The following PTK2 variants were observed in gnomAD, a reference collection of about 807,000 sequenced individuals.
PTK2 encodes protein tyrosine kinase 2, also known as focal adhesion kinase 1.
A neutral mutation model predicts 150.1 loss-of-function variants in PTK2; 45 were observed. That is an observed-to-expected ratio of 0.30 (90% CI 0.24 to 0.38). The LOEUF (loss-of-function observed/expected upper bound fraction) is 0.38, where lower values mean the gene tolerates loss of function less well. Among genes scored for constraint, PTK2 ranks in the 10% least tolerant of loss-of-function variants. The pLI is 1.00. For missense variants in PTK2, 919 were observed against 1,307.3 expected (o/e 0.70, Z 4.58); for synonymous variants, 432 against 449.2 (o/e 0.96, Z 0.48).
intron 1 of PTK2, among the ~76,000 whole-genome samples, chr8:141,000,164 G>A (rs899957970): frequency 7.0e-5 from 10 of 143,306 alleles, no homozygotes; most frequent in Non-Finnish European, 1.1e-4. Context: ...CGCTACACAA[G>A]GAACCCAGAG....
At chr8:140,717,030 A>C (rs1305317217) in intron 23 of PTK2, among the ~76,000 whole-genome samples, 2 of 152,222 alleles carry the variant, frequency 1.3e-5, no homozygotes, top group Non-Finnish European at 2.9e-5. Context: ...GGATAAGAAC[A>C]TAAGCGGGCA....
chr8:140,703,776 G>A (rs970941752), intron 24 of PTK2, among the ~76,000 whole-genome samples: 2 of 152,180 alleles, frequency 1.3e-5, no homozygotes, highest in African/African-American at 2.4e-5. Context: ...AATAAGATGG[G>A]TTTCTTTACA....
At position 140,938,689 on chromosome 8, in the gene PTK2, G is replaced by A. The variant is rs569539955; in HGVS notation, c.-121-12940C>T. Among the ~76,000 whole-genome samples, 28 of 152,260 alleles carry A rather than the reference G, an allele frequency of 1.8e-4. 1 individual carries two copies. Among genetic ancestry groups the A allele is most frequent in the Non-Finnish European group, 2.8e-4 (19 of 68,020 alleles). ...GAGCTTCAGCTGAGGAAACAACTCC[G>A]CACCACCCCTTGGGTAAATGTCTGG... On this transcript the variant is annotated intron_variant, in intron 1 of 31. Coordinates refer to ENST00000522684, the Ensembl canonical transcript of PTK2.
intron 2 of PTK2, among the ~76,000 whole-genome samples, chr8:140,902,370 C>T (rs796956486): frequency 2.0e-5 from 3 of 151,914 alleles, no homozygotes; most frequent in African/African-American, 7.3e-5. Context: ...CACTGATGGA[C>T]ATCTGGGTTG....
At chr8:140,663,811 C>A (rs1437358454) in intron 31 of PTK2, among the ~76,000 whole-genome samples, 1 of 152,030 alleles carries the variant, frequency 6.6e-6, no homozygotes, top group East Asian at 1.9e-4. Flanking sequence ...GTAGCTACTG[C>A]ACACAGCTAA....
At chr8:140,867,666 G>T (rs1409532483) in intron 4 of PTK2, among the ~76,000 whole-genome samples, 2 of 152,074 alleles carry the variant, frequency 1.3e-5, no homozygotes, top group Non-Finnish European at 2.9e-5. Context: ...CCTGGTTGAT[G>T]AAATAATCTG....
chr8:140,971,631 T>C (rs1196212701), intron 1 of PTK2, among the ~76,000 whole-genome samples: 1 of 152,216 alleles, frequency 6.6e-6, no homozygotes, highest in East Asian at 1.9e-4. Context: ...AGGAAAACAG[T>C]ACTTATATGA....
At chr8:140,693,564 TAAAAAAAAAAAAAAAAAAAAAAAAA>T (rs377205785) in intron 26 of PTK2, among the ~76,000 whole-genome samples, 3 of 72,458 alleles carry the variant, frequency 4.1e-5, no homozygotes, top group South Asian at 9.8e-4. Context: ...TTGTCTCAAT[TAAAAAAAAAAAAAAAAAAAAAAAAA>T]AAAAAAAAAA....
intron 23 of PTK2, among the ~76,000 whole-genome samples, chr8:140,713,263 C>T (rs2100037779): frequency 6.6e-6 from 1 of 152,146 alleles, no homozygotes; most frequent in African/African-American, 2.4e-5. Flanking sequence ...AGGCAAATAA[C>T]ATCCTTTTGT....
intron 3 of PTK2, among the ~76,000 whole-genome samples, chr8:140,880,841 G>A (rs2100148706): frequency 6.6e-6 from 1 of 152,176 alleles, no homozygotes; most frequent in South Asian, 2.1e-4. Flanking sequence ...GTGCTGCTGT[G>A]CTGTGCTCCC....
chr8:140,889,578 T>A (rs2100153552), intron 3 of PTK2, among the ~76,000 whole-genome samples: 4 of 148,668 alleles, frequency 2.7e-5, no homozygotes, highest in African/African-American at 1.0e-4. Context: ...TGGTTAAAAA[T>A]AATAAGGGCA....
intron 27 of PTK2, among the ~76,000 whole-genome samples, chr8:140,685,581 C>A (rs1249737025): frequency 6.6e-6 from 1 of 152,118 alleles, no homozygotes; most frequent in African/African-American, 2.4e-5. Flanking sequence ...GGGCAAAGGA[C>A]ATGAACAGAC....
intron 21 of PTK2, 28 bp downstream of exon 24, chr8:140,738,990 A>G (rs748291868): frequency 7.1e-7 from 1 of 1,412,984 alleles, no homozygotes; most frequent in Non-Finnish European, 9.5e-7. Flanking sequence ...TAATTTTTAA[A>G]GAATACAAAA....
chr8:140,702,485 G>T, intron 25 of PTK2, 85 bp downstream of exon 28: 1 of 1,488,482 alleles, frequency 6.7e-7, no homozygotes, highest in Non-Finnish European at 9.2e-7. Context: ...TCCCAAAAGT[G>T]CTAGGATTAC....
At chr8:140,884,665 G>T (rs1275493577) in intron 3 of PTK2, among the ~76,000 whole-genome samples, 1 of 152,104 alleles carries the variant, frequency 6.6e-6, no homozygotes, top group East Asian at 1.9e-4. Context: ...ACTCCCTGAA[G>T]AATTCCCTTC....
At chr8:140,935,675 T>C (rs2100173367) in intron 1 of PTK2, among the ~76,000 whole-genome samples, 1 of 151,288 alleles carries the variant, frequency 6.6e-6, no homozygotes, top group South Asian at 2.1e-4. Context: ...GCTGTTCATG[T>C]AATCTCAATG....
At chr8:140,864,966 T>G (rs1389523575) in intron 4 of PTK2, among the ~76,000 whole-genome samples, 1 of 152,204 alleles carries the variant, frequency 6.6e-6, no homozygotes, top group Non-Finnish European at 1.5e-5. Context: ...ATACATCCAT[T>G]AGCTTTAGTA....
chr8:140,837,719 ACT>A (rs1443980866), intron 7 of PTK2, among the ~76,000 whole-genome samples: 4 of 151,694 alleles, frequency 2.6e-5, no homozygotes, highest in Non-Finnish European at 5.9e-5. Flanking sequence ...ACAGAGAGAG[ACT>A]CTGTCTCAAA....
At chr8:140,693,768 G>A (rs1490542071) in intron 26 of PTK2, among the ~76,000 whole-genome samples, 2 of 152,008 alleles carry the variant, frequency 1.3e-5, no homozygotes, top group African/African-American at 4.8e-5. Context: ...AGTAAGAGAT[G>A]TGACTAGCAG....
Sources: allele counts gnomAD v4.1 joint callset (sites outside exome capture counted in the v4.1 genomes callset), GRCh38; gene constraint gnomAD v4.1.1; transcripts MANE v1.5; gene names NCBI Gene and HGNC (gene_info 2026-07-23, HGNC 2026-07-21).